The following CDHR2 variants were observed in gnomAD, a reference collection of about 807,000 sequenced individuals.
CDHR2 encodes cadherin-related family member 2.
CDHR2 carries 104 observed loss-of-function variants against 138.6 expected under a neutral mutation model. That is an observed-to-expected ratio of 0.75 (90% CI 0.64 to 0.88). The LOEUF (loss-of-function observed/expected upper bound fraction) is 0.88. Among genes scored for constraint, CDHR2 ranks in the 40% least tolerant of loss-of-function variants. CDHR2 has a pLI of 0.00. For synonymous variants in CDHR2, 755 were observed against 742.8 expected (o/e 1.02, Z -0.27); for missense variants, 1,624 against 1,727.6 (o/e 0.94, Z 1.06).
At chr5:176,569,432 A>G (rs10072947) in intron 5 of CDHR2, among the ~76,000 whole-genome samples, 2 of 151,286 alleles carry the variant, frequency 1.3e-5, no homozygotes, top group Admixed American at 1.3e-4. Flanking sequence ...TACAGGCGCC[A>G]GCCACCACGC....
chr5:176,588,891 C>T (rs1758760983), intron 21 of CDHR2, 140 bp from the exon 22 acceptor site: 2 of 819,666 alleles, frequency 2.4e-6, no homozygotes, highest in Non-Finnish European at 3.9e-6. Context: ...AAACCATTTG[C>T]TTATTCGGGG....
intron 1 of CDHR2, among the ~76,000 whole-genome samples, chr5:176,559,789 C>T (rs1757924767): frequency 6.6e-6 from 1 of 152,044 alleles, no homozygotes; most frequent in African/African-American, 2.4e-5. Context: ...CATCAGGAGA[C>T]ATCTGGCCCC....
chr5:176,583,919 G>A (rs1370894693), intron 17 of CDHR2, among the ~76,000 whole-genome samples: 3 of 152,154 alleles, frequency 2.0e-5, no homozygotes, highest in Non-Finnish European at 2.9e-5. Flanking sequence ...AACAAGTCCT[G>A]AGCTGTGGTC....
chr5:176,586,105 ACCC>A, intron 20 of CDHR2, 80 bp downstream of exon 20: 1 of 1,129,482 alleles, frequency 8.9e-7, no homozygotes, highest in Non-Finnish European at 1.3e-6. Context: ...CCCTCCTTGG[ACCC>A]CAGGGGGAGC....
intron 1 of CDHR2, among the ~76,000 whole-genome samples, chr5:176,557,343 C>A (rs1481499175): frequency 6.6e-6 from 1 of 151,860 alleles, no homozygotes; most frequent in Admixed American, 6.6e-5. Context: ...GTAGCTGGGA[C>A]TACAGGCATG....
intron 1 of CDHR2, chr5:176,556,886 C>G (rs1757839718): frequency 6.6e-6 from 1 of 152,190 alleles, no homozygotes; most frequent in Admixed American, 6.6e-5. Flanking sequence ...CCCCACATCC[C>G]CAGTATCCAC....
chr5:176,556,390 G>C (rs1757825408), intron 1 of CDHR2, among the ~76,000 whole-genome samples: 1 of 152,136 alleles, frequency 6.6e-6, no homozygotes, highest in Non-Finnish European at 1.5e-5. Flanking sequence ...AAACAGGCCG[G>C]GCGCGGTGGC....
chr5:176,589,000 G>A (rs1479009792), intron 21 of CDHR2, 31 bp from the exon 22 acceptor site: 1 of 1,609,668 alleles, frequency 6.2e-7, no homozygotes. Flanking sequence ...GCCTGGCTGG[G>A]CCCCCAGATA....
intron 5 of CDHR2, among the ~76,000 whole-genome samples, 176 bp from the exon 6 acceptor site, chr5:176,571,037 C>CAAAAAAAAAA (rs535234193): frequency 2.1e-4 from 11 of 53,276 alleles, no homozygotes; most frequent in East Asian, 4.4e-4. Flanking sequence ...CTGGTCTCTA[C>CAAAAAAAAAA]AAAAAAAAAA....
Position 176,571,037 on chromosome 5 carries a change from CAAAAAAAAAAAAAAA to C in CDHR2, c.316-159_316-145del, listed in dbSNP as rs535234193. 6.2e-4 allele frequency among the ~76,000 whole-genome samples: 33 copies of C among 53,290 alleles called. 1 individual carries two copies. Among genetic ancestry groups the C allele is most frequent in the East Asian group, 4.4e-3 (10 of 2,270 alleles). 35.0% of individuals were successfully genotyped at this position (53,290 alleles called of 152,430 possible). On this transcript the variant is annotated intron_variant, in intron 5 of 31. Coordinates refer to ENST00000261944, the MANE Select transcript of CDHR2 (RefSeq NM_017675.6). ...ACATATGGAGAGAACCTGGTCTCTA[CAAAAAAAAAAAAAAA>C]AAAAAAAAAAAAAAAAGCCCCCAAA...
intron 1 of CDHR2, among the ~76,000 whole-genome samples, chr5:176,558,247 A>C (rs1581131816): frequency 2.4e-5 from 3 of 125,720 alleles, no homozygotes; most frequent in Admixed American, 8.9e-5. Flanking sequence ...ACGGAGTCTC[A>C]CTCTGTCGCC....
intron 1 of CDHR2, among the ~76,000 whole-genome samples, chr5:176,554,633 A>G: frequency 6.6e-6 from 1 of 152,112 alleles, no homozygotes; most frequent in South Asian, 2.1e-4. Context: ...GAATGGTACC[A>G]ATCTAGAAGG....
At chr5:176,572,749 C>G (rs1459937860) in intron 6 of CDHR2, among the ~76,000 whole-genome samples, 6 of 152,192 alleles carry the variant, frequency 3.9e-5, no homozygotes. Context: ...GGCCCCATGC[C>G]AGGCCAGACA....
chr5:176,594,872 C>G (rs115064619), intron 31 of CDHR2, among the ~76,000 whole-genome samples: 1 of 151,980 alleles, frequency 6.6e-6, no homozygotes, highest in Non-Finnish European at 1.5e-5. Context: ...CACAGCATGT[C>G]GCATGGCGAG....
intron 21 of CDHR2, among the ~76,000 whole-genome samples, chr5:176,588,561 GAC>G (rs1229971483): frequency 1.3e-5 from 2 of 149,800 alleles, no homozygotes; most frequent in East Asian, 2.0e-4. Context: ...GTGTGAGTGG[GAC>G]AGTGTGTGAG....
At chr5:176,544,308 C>T (rs1757531632) in intron 1 of CDHR2, among the ~76,000 whole-genome samples, 1 of 151,856 alleles carries the variant, frequency 6.6e-6, no homozygotes, top group Admixed American at 6.6e-5. Context: ...TCATGGGTCC[C>T]CAATTTCTTT....
intron 31 of CDHR2, among the ~76,000 whole-genome samples, chr5:176,594,591 C>T (rs1336730956): frequency 6.6e-6 from 1 of 152,246 alleles, no homozygotes; most frequent in Non-Finnish European, 1.5e-5. Context: ...GTCATGTTAT[C>T]GTGGGTGGCA....
chr5:176,577,629 G>A lies in CDHR2; in HGVS notation c.1351-8G>A. Reference sequence around the variant, plus strand: ...CCCCACAGCTGCTGCCTCCTCCCCTGCCCCCAGGTTGTGGCCACAGACTCC... The same window carrying A: ...CCCCACAGCTGCTGCCTCCTCCCCTACCCCCAGGTTGTGGCCACAGACTCC... On this transcript the variant is annotated splice_region_variant and splice_polypyrimidine_tract_variant and intron_variant, in intron 13 of 31. Coordinates refer to ENST00000261944, the MANE Select transcript of CDHR2 (RefSeq NM_017675.6). 6.2e-7 allele frequency: 1 copy of A among 1,614,170 alleles called. No individual in the cohort carries two copies. The highest frequency in any genetic ancestry group is 8.5e-7 in the Non-Finnish European group (1 of 1,180,004).
intron 17 of CDHR2, among the ~76,000 whole-genome samples, chr5:176,583,518 G>A (rs958536618): frequency 6.6e-6 from 1 of 152,198 alleles, no homozygotes; most frequent in Non-Finnish European, 1.5e-5. Flanking sequence ...CATCCCCCAA[G>A]CACATGCCAG....
Sources: gnomAD v4.1 joint callset for allele counts (sites outside exome capture counted in the v4.1 genomes callset) on GRCh38, gnomAD v4.1.1 for gene constraint, MANE v1.5 for transcripts, NCBI Gene and HGNC (gene_info 2026-07-23, HGNC 2026-07-21) for gene names.